EML6: variants seen among roughly 807,000 people sequenced by gnomAD.
EML6 encodes EMAP like 6.
Under a neutral mutation model 240.1 loss-of-function variants are expected in EML6, and 154 were observed. The observed-to-expected ratio is 0.64, with a 90% CI of 0.56 to 0.73. The LOEUF is 0.73. EML6 is among the 30% of genes least tolerant of loss of function. The probability of loss-of-function intolerance (pLI) is 0.00; values close to 1 mark genes in which losing one functional copy is unlikely to be tolerated. For synonymous variants in EML6, 1,148 were observed against 899.0 expected (o/e 1.28, Z -4.95); for missense variants, 2,964 against 2,474.6 (o/e 1.20, Z -4.20).
chr2:54,869,196 C>G lies in EML6; in HGVS notation c.2067C>G (p.Asp689Glu). ...LQFIHGYRGYDCRNNLFYTQA... is the reference protein window; with the variant it reads ...LQFIHGYRGYECRNNLFYTQA... The stretch of plus-strand genomic sequence containing the variant: ...TGTGCTTCAGTTATAGAGGCTACGA[C>G]TGTAGAAACAATCTGTTCTACACAC... The change falls in exon 15 of 42, where the codon GAC becomes GAG. Residue 689 changes from aspartate (D) to glutamate (E), a missense_variant. Coordinates refer to ENST00000356458, the MANE Select transcript of EML6 (RefSeq NM_001039753.4). The G allele has an allele frequency of 6.4e-7, 1 of 1,550,460 alleles. No homozygotes were observed. The highest frequency in any genetic ancestry group is 8.7e-7 in the Non-Finnish European group (1 of 1,145,902).
intron 22 of EML6, among the ~76,000 whole-genome samples, chr2:54,902,432 C>G (rs1257136387): frequency 6.6e-6 from 1 of 152,138 alleles, no homozygotes. Context: ...CAGGGTCTCC[C>G]TCTGTCATCC....
At chr2:54,948,425 G>A (rs916533826) in intron 28 of EML6, among the ~76,000 whole-genome samples, 1 of 152,140 alleles carries the variant, frequency 6.6e-6, no homozygotes, top group Non-Finnish European at 1.5e-5. Context: ...GCTTGTAAGT[G>A]CCACTTCACG....
chr2:54,835,353 A>T (rs905185200), intron 7 of EML6, among the ~76,000 whole-genome samples: 1 of 152,174 alleles, frequency 6.6e-6, no homozygotes, highest in African/African-American at 2.4e-5. Flanking sequence ...GAGTCCTGGA[A>T]GTAGCTGTCA....
chr2:54,900,479 A>G (rs1020901403), intron 22 of EML6, among the ~76,000 whole-genome samples: 5 of 152,214 alleles, frequency 3.3e-5, no homozygotes, highest in Non-Finnish European at 5.9e-5. Context: ...GCAGCTAGTA[A>G]TGGCGGCTGC....
intron 16 of EML6, among the ~76,000 whole-genome samples, chr2:54,873,329 TTATACTC>T (rs1459277056): frequency 5.3e-5 from 8 of 152,296 alleles, no homozygotes; most frequent in East Asian, 1.9e-4. Flanking sequence ...GTTAAACAGT[TTATACTC>T]TACACTGGTG....
chr2:54,767,514 A>G (rs545483003), intron 2 of EML6, among the ~76,000 whole-genome samples: 4 of 151,684 alleles, frequency 2.6e-5, no homozygotes, highest in Non-Finnish European at 4.4e-5. Flanking sequence ...TATTTCTACT[A>G]TGTCTATTGC....
Position 54,957,906 on chromosome 2 carries a change from C to T in EML6, c.4603C>T (p.Leu1535=). ...VGVKHMKFWT[L]AGSALLYKKG... Reference sequence around the variant, plus strand: ...GGTCAAACATATGAAGTTCTGGACCCTGGCAGGCAGCGCCTTGCTTTACAA... The same window carrying T: ...GGTCAAACATATGAAGTTCTGGACCTTGGCAGGCAGCGCCTTGCTTTACAA... The change falls in exon 33 of 42, where the codon CTG becomes TTG. Residue 1535 remains leucine (L), a synonymous_variant. Coordinates refer to ENST00000356458, the MANE Select transcript of EML6 (RefSeq NM_001039753.4). 1.3e-6 allele frequency: 2 copies of T among 1,551,672 alleles called. No homozygotes were observed. The highest frequency in any genetic ancestry group is 1.7e-6 in the Non-Finnish European group (2 of 1,147,010).
At chr2:54,941,963 T>G (rs1306421391) in intron 28 of EML6, among the ~76,000 whole-genome samples, 1 of 152,246 alleles carries the variant, frequency 6.6e-6, no homozygotes, top group East Asian at 1.9e-4. Context: ...AATGCTGAAA[T>G]TAATCATCTC....
At chr2:54,920,881 C>G (rs912872175) in intron 26 of EML6, among the ~76,000 whole-genome samples, 5 of 151,908 alleles carry the variant, frequency 3.3e-5, no homozygotes, top group Admixed American at 3.3e-4. Flanking sequence ...TGTGATGTAC[C>G]ACATAAAGAG....
chr2:54,855,575 C>A (rs1261241269), intron 11 of EML6, among the ~76,000 whole-genome samples: 2 of 150,160 alleles, frequency 1.3e-5, no homozygotes, highest in African/African-American at 2.4e-5. Flanking sequence ...GTCACCGTTA[C>A]ATAAAAAACA....
intron 16 of EML6, among the ~76,000 whole-genome samples, chr2:54,872,238 C>G (rs938015487): frequency 1.3e-5 from 2 of 151,970 alleles, no homozygotes; most frequent in African/African-American, 2.4e-5. Flanking sequence ...GAATGAGGGC[C>G]TATCACAAAA....
intron 22 of EML6, among the ~76,000 whole-genome samples, chr2:54,901,781 A>C (rs1405639941): frequency 6.6e-6 from 1 of 152,246 alleles, no homozygotes; most frequent in Non-Finnish European, 1.5e-5. Flanking sequence ...ATGCCCTGGC[A>C]CAAGGCCACC....
intron 26 of EML6, among the ~76,000 whole-genome samples, chr2:54,926,996 G>A (rs1674583341): frequency 6.6e-6 from 1 of 152,200 alleles, no homozygotes; most frequent in Non-Finnish European, 1.5e-5. Context: ...ATGTGCTCCT[G>A]CTTCCAGCTA....
rs1035831323 is a variant in EML6 at position 54,957,813 on chromosome 2, G to A, written c.4510G>A (p.Gly1504Ser). The A allele has an allele frequency of 1.3e-6, 2 of 1,550,000 alleles. No individual in the cohort carries two copies. Among genetic ancestry groups the A allele is most frequent in the Non-Finnish European group, 1.7e-6 (2 of 1,147,000 alleles). ...AGGTGCCAAGGTTGCCAGCCGAGGG[G>A]GTCACCTGGAGCGCATATTTGTGGT... ...QEGAKVASRG[G>S]HLERIFVVEF... Residue 1504 changes from glycine (G) to serine (S), a missense_variant, in exon 33 of 42, where the codon GGT becomes AGT. By Grantham distance (56) the Gly-to-Ser change is moderately conservative (BLOSUM62 0). Coordinates refer to ENST00000356458, the MANE Select transcript of EML6 (RefSeq NM_001039753.4).
At chr2:54,821,355 A>G (rs933227200) in intron 5 of EML6, among the ~76,000 whole-genome samples, 2 of 152,188 alleles carry the variant, frequency 1.3e-5, no homozygotes, top group Non-Finnish European at 2.9e-5. Context: ...AGACTTACCT[A>G]AAGAATGTTA....
Position 54,908,047 on chromosome 2 carries a change from C to T in EML6, c.3410-2907C>T, listed in dbSNP as rs542184958. ...AAAAGGAGTGGTGACCTAAATATTTCCTCATGCTTAAGAAACATGTATTAG... is the reference window on the plus strand; with the variant it reads ...AAAAGGAGTGGTGACCTAAATATTTTCTCATGCTTAAGAAACATGTATTAG... On this transcript the variant is annotated intron_variant, in intron 24 of 41. Coordinates refer to ENST00000356458, the MANE Select transcript of EML6 (RefSeq NM_001039753.4). Among the ~76,000 whole-genome samples the T allele has an allele frequency of 2.0e-4, 30 of 152,024 alleles. No homozygotes were observed. In the South Asian group the frequency reaches 6.0e-3, roughly 31 times the overall value.
intron 25 of EML6, among the ~76,000 whole-genome samples, chr2:54,911,395 A>G (rs1673630168): frequency 6.6e-6 from 1 of 151,492 alleles, no homozygotes; most frequent in African/African-American, 2.4e-5. Context: ...CTCAATGGTT[A>G]TTTGTAATTA....
At chr2:54,924,037 A>C (rs910415593) in intron 26 of EML6, among the ~76,000 whole-genome samples, 1 of 152,244 alleles carries the variant, frequency 6.6e-6, no homozygotes, top group African/African-American at 2.4e-5. Flanking sequence ...TATGATGAAC[A>C]TACTTTTCCA....
At chr2:54,940,854 C>G (rs1037500075) in intron 28 of EML6, among the ~76,000 whole-genome samples, 2 of 152,214 alleles carry the variant, frequency 1.3e-5, no homozygotes, top group African/African-American at 4.8e-5. Flanking sequence ...TGGTTTAAAT[C>G]TGTTTAACCC....
Sources: gnomAD v4.1 joint callset for allele counts (sites outside exome capture counted in the v4.1 genomes callset) on GRCh38, gnomAD v4.1.1 for gene constraint, MANE v1.5 for transcripts, NCBI Gene and HGNC (gene_info 2026-07-23, HGNC 2026-07-21) for gene names.